The following TAS2R1 variants were observed in gnomAD, a reference collection of about 807,000 sequenced individuals.
The protein encoded by TAS2R1 is taste receptor type 2 member 1.
For synonymous variants in TAS2R1, 141 were observed against 134.2 expected (o/e 1.05, Z -0.35); for missense variants, 370 against 353.4 (o/e 1.05, Z -0.38).
chr5:9,888,737 A>G, the TAS2R1 span, among the ~76,000 whole-genome samples: 1 of 152,218 alleles, frequency 6.6e-6, no homozygotes. Flanking sequence ...TCCAAAGGAA[A>G]CATCCATGGT....
At chr5:9,789,588 T>C in the TAS2R1 span, among the ~76,000 whole-genome samples, 1 of 152,252 alleles carries the variant, frequency 6.6e-6, no homozygotes. Flanking sequence ...AATTAAGGTA[T>C]AGCAGGATCC....
the TAS2R1 span, among the ~76,000 whole-genome samples, chr5:9,756,267 A>G: frequency 3.3e-5 from 5 of 152,198 alleles, no homozygotes; most frequent in Non-Finnish European, 5.9e-5. Context: ...GCATCAGAGT[A>G]AAACAAAAAT....
At chr5:9,874,156 C>T in the TAS2R1 span, among the ~76,000 whole-genome samples, 1 of 152,074 alleles carries the variant, frequency 6.6e-6, no homozygotes. Flanking sequence ...TTTTATAATG[C>T]ATTTTCTCTA....
chr5:9,777,477 G>A, the TAS2R1 span, among the ~76,000 whole-genome samples: 1,208 of 152,286 alleles, frequency 7.9e-3, 12 homozygotes, highest in African/African-American at 0.028. Flanking sequence ...GCTCCACTTC[G>A]AATTCCAGTT....
upstream of TAS2R1, among the ~76,000 whole-genome samples, chr5:9,717,113 G>C (rs1734828223): frequency 6.6e-6 from 1 of 152,152 alleles, no homozygotes; most frequent in African/African-American, 2.4e-5. Flanking sequence ...GGGCCACGAG[G>C]AAGCACAAAC....
intron 1 of TAS2R1, among the ~76,000 whole-genome samples, chr5:9,701,460 G>A (rs1741483422): frequency 6.6e-6 from 1 of 152,112 alleles, no homozygotes; most frequent in Admixed American, 6.6e-5. Flanking sequence ...GTGACATTGG[G>A]TGTTTCAAAA....
At chr5:9,793,633 G>A in the TAS2R1 span, among the ~76,000 whole-genome samples, 1 of 152,214 alleles carries the variant, frequency 6.6e-6, no homozygotes, top group African/African-American at 2.4e-5. Flanking sequence ...GTCTGGGGTG[G>A]TGAGTCCTTC....
intron 1 of TAS2R1, among the ~76,000 whole-genome samples, chr5:9,677,520 G>A (rs934124103): frequency 5.3e-5 from 8 of 151,576 alleles, no homozygotes; most frequent in African/African-American, 9.7e-5. Flanking sequence ...AAACTGAACC[G>A]ATACCTCACC....
the TAS2R1 span, among the ~76,000 whole-genome samples, chr5:9,722,799 A>G: frequency 6.6e-6 from 1 of 152,248 alleles, no homozygotes; most frequent in Admixed American, 6.5e-5. Flanking sequence ...TACTGTTGCC[A>G]AGGCTGAATA....
At chr5:9,879,260 T>C in the TAS2R1 span, among the ~76,000 whole-genome samples, 1 of 152,240 alleles carries the variant, frequency 6.6e-6, no homozygotes. Context: ...GGATGAACCA[T>C]ATTGGAGCTA....
chr5:9,827,576 ACACACCCGGGTGTGGTGGCATG>A, the TAS2R1 span, among the ~76,000 whole-genome samples: 1 of 146,432 alleles, frequency 6.8e-6, no homozygotes, highest in Non-Finnish European at 1.5e-5. Flanking sequence ...CCCTATACAC[ACACACCCGGGTGTGGTGGCATG>A]CACACACACA....
At chr5:9,875,777 A>C in the TAS2R1 span, among the ~76,000 whole-genome samples, 1 of 152,190 alleles carries the variant, frequency 6.6e-6, no homozygotes, top group African/African-American at 2.4e-5. Context: ...GTAGGTTAGA[A>C]GCAGGAGGTT....
chr5:9,638,006 G>T (rs1208897966), intron 2 of TAS2R1, among the ~76,000 whole-genome samples: 1 of 152,182 alleles, frequency 6.6e-6, no homozygotes, highest in Non-Finnish European at 1.5e-5. Flanking sequence ...AAACCTGCTT[G>T]TCATCTTACC....
At chr5:9,859,766 A>T in the TAS2R1 span, among the ~76,000 whole-genome samples, 1 of 152,190 alleles carries the variant, frequency 6.6e-6, no homozygotes, top group African/African-American at 2.4e-5. Flanking sequence ...CAACAACAGG[A>T]TCCTCACTGT....
intron 1 of TAS2R1, among the ~76,000 whole-genome samples, chr5:9,701,967 G>C (rs751569471): frequency 1.3e-5 from 2 of 152,098 alleles, no homozygotes; most frequent in Non-Finnish European, 2.9e-5. Flanking sequence ...CTGCCCAAAA[G>C]GTCATTTTAT....
the TAS2R1 span, among the ~76,000 whole-genome samples, chr5:9,838,044 G>A: frequency 2.6e-5 from 4 of 152,198 alleles, no homozygotes; most frequent in East Asian, 1.9e-4. Flanking sequence ...GCTATGGTGA[G>A]CATCTCTGTC....
At chr5:9,812,336 A>G in the TAS2R1 span, among the ~76,000 whole-genome samples, 1 of 152,064 alleles carries the variant, frequency 6.6e-6, no homozygotes, top group African/African-American at 2.4e-5. Context: ...ATGTATATAT[A>G]TGAAGTTGAA....
chr5:9,881,596 A>C, the TAS2R1 span, among the ~76,000 whole-genome samples: 1 of 152,172 alleles, frequency 6.6e-6, no homozygotes, highest in South Asian at 2.1e-4. Flanking sequence ...CATGTGACCC[A>C]ACTTCAAACT....
At position 9,629,682 on chromosome 5, in the gene TAS2R1, C is replaced by A; in HGVS notation, c.351G>T (p.Trp117Cys). The A allele has an allele frequency of 6.2e-7, 1 of 1,614,130 alleles. No individual in the cohort carries two copies. Among genetic ancestry groups the A allele is most frequent in the Non-Finnish European group, 8.5e-7 (1 of 1,180,032 alleles). Reference sequence around the variant, plus strand: ...CCAGCTTGGATATCCTCATCTTCAACCAGATGAAGAGTGGGTGACGGACGC... The same window carrying A: ...CCAGCTTGGATATCCTCATCTTCAAACAGATGAAGAGTGGGTGACGGACGC... ...VASVRHPLFIWLKMRISKLVP... is the reference protein window; with the variant it reads ...VASVRHPLFICLKMRISKLVP... The change falls in exon 1 of 1, where the codon TGG (tryptophan) becomes TGT (cysteine). Residue 117 changes from tryptophan to cysteine, a missense_variant. By Grantham distance (215) the Trp-to-Cys change is radical. Coordinates refer to ENST00000382492, the MANE Select transcript of TAS2R1 (RefSeq NM_019599.3).
Sources: allele counts gnomAD v4.1 joint callset (sites outside exome capture counted in the v4.1 genomes callset), GRCh38; gene constraint gnomAD v4.1.1; transcripts MANE v1.5; gene names NCBI Gene and HGNC (gene_info 2026-07-23, HGNC 2026-07-21).